PLEKHG1: variants seen among roughly 807,000 people sequenced by gnomAD.
PLEKHG1 encodes pleckstrin homology and RhoGEF domain containing G1.
Under a neutral mutation model 100.8 loss-of-function variants are expected in PLEKHG1, and 44 were observed. The observed-to-expected ratio is 0.44, with a 90% CI of 0.34 to 0.56. The LOEUF (loss-of-function observed/expected upper bound fraction) is 0.56, where lower values mean the gene tolerates loss of function less well. PLEKHG1 is among the 20% of genes least tolerant of loss of function. The pLI is 0.01. For synonymous variants in PLEKHG1, 640 were observed against 662.5 expected, an observed-to-expected ratio of 0.97 and a Z score of 0.52; for missense variants, 1,545 against 1,720.9, an observed-to-expected ratio of 0.90 and a Z score of 1.81.
chr6:150,644,352 T>TTTGTTTTTTTTTTTTTTTTTTTTTTTAGG (rs1582872452), intron 2 of PLEKHG1, among the ~76,000 whole-genome samples: 1 of 148,280 alleles, frequency 6.7e-6, no homozygotes, highest in African/African-American at 2.5e-5. Context: ...TTTTTTTTTT[T>TTTGTTTTTTTTTTTTTTTTTTTTTTTAGG]GTTACAGAGT....
upstream of PLEKHG1, among the ~76,000 whole-genome samples, chr6:150,718,429 T>A (rs139704374): frequency 6.6e-6 from 1 of 151,592 alleles, no homozygotes; most frequent in Non-Finnish European, 1.5e-5. Flanking sequence ...TGAAAGAACC[T>A]GGACCATTGC....
At chr6:150,648,628 T>A (rs928042505) in intron 2 of PLEKHG1, among the ~76,000 whole-genome samples, 3 of 152,162 alleles carry the variant, frequency 2.0e-5, no homozygotes, top group Non-Finnish European at 4.4e-5. Context: ...CTTATCTAAG[T>A]CAAACATGCC....
At chr6:150,644,951 C>G (rs1038296968) in intron 2 of PLEKHG1, among the ~76,000 whole-genome samples, 1 of 151,536 alleles carries the variant, frequency 6.6e-6, no homozygotes, top group Non-Finnish European at 1.5e-5. Flanking sequence ...CTAGTGTAAC[C>G]CCAATCAAAT....
chr6:150,795,097 A>ATGTT (rs1786238011), intron 4 of PLEKHG1, among the ~76,000 whole-genome samples: 1 of 152,144 alleles, frequency 6.6e-6, no homozygotes, highest in African/African-American at 2.4e-5. Flanking sequence ...TTTTCAAAAT[A>ATGTT]TAATTTCAAG....
At chr6:150,639,867 T>G (rs1778178451) in intron 2 of PLEKHG1, among the ~76,000 whole-genome samples, 1 of 152,244 alleles carries the variant, frequency 6.6e-6, no homozygotes, top group Non-Finnish European at 1.5e-5. Context: ...TTTTATTCTG[T>G]ATCAATGATG....
chr6:150,791,845 C>A (rs1175821365), intron 4 of PLEKHG1, among the ~76,000 whole-genome samples: 1 of 152,128 alleles, frequency 6.6e-6, no homozygotes, highest in Non-Finnish European at 1.5e-5. Flanking sequence ...CATAACCATG[C>A]AGTAGGAATT....
intron 4 of PLEKHG1, among the ~76,000 whole-genome samples, chr6:150,790,569 G>A (rs1448002777): frequency 1.3e-5 from 2 of 152,122 alleles, no homozygotes; most frequent in East Asian, 1.9e-4. Context: ...TCTATTCCAA[G>A]GATACACTTA....
exon 16 of PLEKHG1, chr6:150,840,425 G>A (rs1356645730): frequency 4.3e-6 from 7 of 1,613,986 alleles, no homozygotes; most frequent in East Asian, 2.2e-5. Flanking sequence ...TTGCTGACTC[G>A]CATCAACAGG....
At chr6:150,822,808 C>T (rs1028110157) in intron 13 of PLEKHG1, among the ~76,000 whole-genome samples, 2 of 152,020 alleles carry the variant, frequency 1.3e-5, no homozygotes, top group Non-Finnish European at 2.9e-5. Flanking sequence ...GGCAAGATCC[C>T]ATCTCTACTA....
At chr6:150,766,634 A>T (rs1784467412) in intron 2 of PLEKHG1, among the ~76,000 whole-genome samples, 1 of 152,232 alleles carries the variant, frequency 6.6e-6, no homozygotes, top group Non-Finnish European at 1.5e-5. Flanking sequence ...AACTTTTAAA[A>T]TTTAGTTTCT....
chr6:150,763,896 C>T (rs1244293152), intron 2 of PLEKHG1, among the ~76,000 whole-genome samples: 1 of 152,128 alleles, frequency 6.6e-6, no homozygotes, highest in Non-Finnish European at 1.5e-5. Context: ...AGAGAGGAGC[C>T]CCAGACTTCC....
At chr6:150,748,506 A>G (rs1340098938) in intron 2 of PLEKHG1, among the ~76,000 whole-genome samples, 2 of 151,994 alleles carry the variant, frequency 1.3e-5, no homozygotes, top group Non-Finnish European at 2.9e-5. Context: ...TGCTGAGTAA[A>G]TTTTCTAGTA....
intron 2 of PLEKHG1, among the ~76,000 whole-genome samples, chr6:150,648,875 T>A (rs906958566): frequency 4.6e-5 from 7 of 152,176 alleles, no homozygotes; most frequent in Non-Finnish European, 1.0e-4. Context: ...CAAGGATATT[T>A]TTATATAGTA....
intron 14 of PLEKHG1, among the ~76,000 whole-genome samples, chr6:150,830,347 G>A (rs1776846280): frequency 6.6e-6 from 1 of 152,166 alleles, no homozygotes; most frequent in Non-Finnish European, 1.5e-5. Context: ...ACTCAGCCAG[G>A]TGTAGTGGTT....
intron 2 of PLEKHG1, among the ~76,000 whole-genome samples, chr6:150,641,080 A>G (rs1778237570): frequency 6.6e-6 from 1 of 152,122 alleles, no homozygotes; most frequent in Non-Finnish European, 1.5e-5. Flanking sequence ...AACTCCACAC[A>G]CAGCCAAATG....
At chr6:150,798,390 T>C (rs1786483740) in intron 5 of PLEKHG1, among the ~76,000 whole-genome samples, 1 of 152,222 alleles carries the variant, frequency 6.6e-6, no homozygotes. Context: ...TTCTTAAACT[T>C]CCAAAATTGC....
chr6:150,761,506 G>C (rs1019887549), intron 2 of PLEKHG1, among the ~76,000 whole-genome samples: 2 of 151,856 alleles, frequency 1.3e-5, no homozygotes, highest in African/African-American at 4.8e-5. Context: ...GGGGTTTCAG[G>C]CTGGTCTCGA....
intron 4 of PLEKHG1, among the ~76,000 whole-genome samples, chr6:150,787,179 C>T (rs1785674741): frequency 6.6e-6 from 1 of 152,102 alleles, no homozygotes; most frequent in African/African-American, 2.4e-5. Context: ...AGCCTAGTCT[C>T]TATAATTATC....
At chr6:150,703,355 CT>C (rs764197381) in intron 3 of PLEKHG1, among the ~76,000 whole-genome samples, 31 of 152,102 alleles carry the variant, frequency 2.0e-4, no homozygotes, top group Admixed American at 1.6e-3. Flanking sequence ...AATCCCAGCA[CT>C]TTGGGAGACT....
Sources: gnomAD v4.1 joint callset for allele counts (sites outside exome capture counted in the v4.1 genomes callset) on GRCh38, gnomAD v4.1.1 for gene constraint, MANE v1.5 for transcripts, NCBI Gene and HGNC (gene_info 2026-07-23, HGNC 2026-07-21) for gene names.